MAOB: variants seen among roughly 807,000 people sequenced by gnomAD.
MAOB encodes monoamine oxidase B, also known as amine oxidase [flavin-containing] B.
A neutral mutation model predicts 41.9 loss-of-function variants in MAOB; 15 were observed. The observed-to-expected ratio is 0.36, with a 90% CI of 0.24 to 0.55. The LOEUF (loss-of-function observed/expected upper bound fraction) is 0.55. Ranked by LOEUF, MAOB falls within the 20% of genes least tolerant of loss-of-function variation. The probability of loss-of-function intolerance (pLI) is 0.86; values close to 1 mark genes in which losing one functional copy is unlikely to be tolerated. For missense variants in MAOB, 345 were observed against 398.7 expected (o/e 0.87, Z 1.15); for synonymous variants, 167 against 144.2 (o/e 1.16, Z -1.13).
chrX:43,797,001 C>T (rs2034536470), intron 6 of MAOB, 124 bp downstream of exon 6: 3 of 678,841 alleles, frequency 4.4e-6, no homozygotes, highest in Non-Finnish European at 6.5e-6. Flanking sequence ...TTTGAGCTGC[C>T]ATGGTAATGC....
At chrX:43,781,095 C>T (rs1464822469) in intron 9 of MAOB, among the ~76,000 whole-genome samples, 3 of 111,139 alleles carry the variant, frequency 2.7e-5, no homozygotes, top group Non-Finnish European at 5.7e-5. Flanking sequence ...GATGCCCACA[C>T]AGCCTCCACA....
chrX:43,810,937 C>G (rs1475442528), intron 3 of MAOB, among the ~76,000 whole-genome samples: 1 of 112,005 alleles, frequency 8.9e-6, no homozygotes, highest in Non-Finnish European at 1.9e-5. Context: ...AAATCCATGA[C>G]CACACTTTTG....
intron 3 of MAOB, among the ~76,000 whole-genome samples, chrX:43,828,032 C>A (rs1222470897): frequency 5.4e-5 from 6 of 111,221 alleles, no homozygotes; most frequent in African/African-American, 2.0e-4. Flanking sequence ...CTGGCCTCAT[C>A]AAGAAAAGTA....
chrX:43,794,338 C>T (rs1178570374), intron 7 of MAOB, among the ~76,000 whole-genome samples: 2 of 111,056 alleles, frequency 1.8e-5, no homozygotes, highest in African/African-American at 3.3e-5. Context: ...TGAGGCCTTC[C>T]CTGATCACCT....
chrX:43,806,295 C>T (rs2034660976), intron 3 of MAOB, among the ~76,000 whole-genome samples: 1 of 112,072 alleles, frequency 8.9e-6, no homozygotes, highest in Non-Finnish European at 1.9e-5. Context: ...TTCTTAGTCT[C>T]CTATGGTGTG....
chrX:43,778,840 G>T, intron 10 of MAOB, 101 bp from the exon 11 acceptor site: 1 of 586,586 alleles, frequency 1.7e-6, no homozygotes, highest in Non-Finnish European at 2.7e-6. Flanking sequence ...GATTCCATGA[G>T]CCATTGATTC....
intron 1 of MAOB, among the ~76,000 whole-genome samples, chrX:43,863,626 C>G (rs1226945935): frequency 9.0e-6 from 1 of 111,579 alleles, no homozygotes; most frequent in Non-Finnish European, 1.9e-5. Flanking sequence ...ACTACATGGG[C>G]AATTTCATTT....
intron 1 of MAOB, among the ~76,000 whole-genome samples, chrX:43,852,597 G>T (rs919495426): frequency 9.8e-5 from 11 of 112,002 alleles, no homozygotes; most frequent in African/African-American, 3.6e-4. Context: ...CATAGTAAGA[G>T]AATTCTGGAA....
intron 12 of MAOB, among the ~76,000 whole-genome samples, chrX:43,773,422 C>T (rs764976011): frequency 1.8e-5 from 2 of 112,638 alleles, no homozygotes; most frequent in Non-Finnish European, 3.8e-5. Flanking sequence ...CCCACCCTAG[C>T]CCTCAACACT....
intron 1 of MAOB, among the ~76,000 whole-genome samples, chrX:43,872,388 G>A (rs987679795): frequency 8.2e-4 from 92 of 111,672 alleles, no homozygotes; most frequent in African/African-American, 2.8e-3. Context: ...GGGGATCGTT[G>A]GGTGGGGAGG....
intron 11 of MAOB, among the ~76,000 whole-genome samples, chrX:43,778,120 GC>G (rs2034282057): frequency 9.0e-6 from 1 of 111,364 alleles, no homozygotes; most frequent in Non-Finnish European, 1.9e-5. Context: ...CAGACAGACA[GC>G]CTGTCTTCTT....
chrX:43,784,468 T>C (rs773646740), intron 8 of MAOB, among the ~76,000 whole-genome samples: 15 of 112,578 alleles, frequency 1.3e-4, no homozygotes, highest in South Asian at 3.7e-4. Context: ...ATCAGAGCCC[T>C]TGGGTGACCA....
intron 1 of MAOB, among the ~76,000 whole-genome samples, chrX:43,876,416 A>T (rs1383440399): frequency 1.8e-5 from 2 of 112,274 alleles, no homozygotes; most frequent in Non-Finnish European, 3.8e-5. Context: ...TGGAAACGTG[A>T]GTTGCAGAAA....
chrX:43,838,554 A>G (rs1429704965), intron 3 of MAOB, among the ~76,000 whole-genome samples: 3 of 112,505 alleles, frequency 2.7e-5, no homozygotes, highest in Non-Finnish European at 5.6e-5. Flanking sequence ...TTTTTATATA[A>G]CATAAAAGAC....
At chrX:43,844,122 T>G (rs2035173308) in intron 1 of MAOB, among the ~76,000 whole-genome samples, 1 of 111,605 alleles carries the variant, frequency 9.0e-6, no homozygotes, top group Non-Finnish European at 1.9e-5. Context: ...AGTCACTGAC[T>G]TCATTCTCAG....
chrX:43,848,614 G>A (rs776196736), intron 1 of MAOB, among the ~76,000 whole-genome samples: 5 of 111,601 alleles, frequency 4.5e-5, no homozygotes, highest in Admixed American at 2.8e-4. Flanking sequence ...GTGCAGTGGC[G>A]CAATCTTGGC....
intron 12 of MAOB, among the ~76,000 whole-genome samples, chrX:43,770,081 G>T (rs1016379508): frequency 3.2e-4 from 36 of 111,204 alleles, no homozygotes; most frequent in African/African-American, 1.1e-3. Flanking sequence ...ATTCCCAGCT[G>T]CTGGGAGTGC....
At chrX:43,799,245 A>G (rs1322236073) in intron 5 of MAOB, among the ~76,000 whole-genome samples, 1 of 112,579 alleles carries the variant, frequency 8.9e-6, no homozygotes, top group Non-Finnish European at 1.9e-5. Flanking sequence ...GGATAATTGA[A>G]GGGATGGAAA....
intron 3 of MAOB, among the ~76,000 whole-genome samples, chrX:43,812,500 A>G (rs767061393): frequency 9.8e-5 from 11 of 112,120 alleles, no homozygotes; most frequent in Non-Finnish European, 1.9e-4. Flanking sequence ...CATCCTTGCC[A>G]TAATTTGCTA....
Sources: gnomAD v4.1 joint callset for allele counts (sites outside exome capture counted in the v4.1 genomes callset) on GRCh38, gnomAD v4.1.1 for gene constraint, MANE v1.5 for transcripts, NCBI Gene and HGNC (gene_info 2026-07-23, HGNC 2026-07-21) for gene names.